Variants in OGG1 observed in about 807,000 individuals in gnomAD.
The protein encoded by OGG1 is N-glycosylase/DNA lyase.
Under a neutral mutation model 42.3 loss-of-function variants are expected in OGG1, and 35 were observed. The ratio of observed to expected loss-of-function variants is 0.83; its 90% CI spans 0.63 to 1.10. OGG1 has a LOEUF of 1.10. OGG1 is among the 50% of genes least tolerant of loss of function. The probability of loss-of-function intolerance (pLI) is 0.00; values close to 1 mark genes in which losing one functional copy is unlikely to be tolerated. For missense variants in OGG1, 484 were observed against 446.7 expected (o/e 1.08, Z -0.75); for synonymous variants, 189 against 179.0 (o/e 1.06, Z -0.44).
downstream of OGG1, chr3:9,759,541 G>A: frequency 1.2e-6 from 2 of 1,614,126 alleles, no homozygotes; most frequent in Non-Finnish European, 1.7e-6. Flanking sequence ...ACCGACTGGT[G>A]GATATTCTTA....
At chr3:9,760,711 A>G, downstream of OGG1, 1 of 1,614,058 alleles carries the variant, frequency 6.2e-7, no homozygotes, top group Non-Finnish European at 8.5e-7. Flanking sequence ...CGGCCTTCAA[A>G]ATCTGTTCAA....
At position 9,757,176 on chromosome 3, in the gene OGG1, C is replaced by T. The variant is rs2077613424; in HGVS notation, c.*26C>T. The T allele has an allele frequency of 6.2e-7, 1 of 1,613,846 alleles. No individual in the cohort carries two copies. The highest frequency in any genetic ancestry group is 1.3e-5 in the African/African-American group (1 of 74,910). ...ATGGGGCACCCTGGACAAAGAAATT[C>T]CCCAAGCACCTTCCCCTCCATTCCC... On this transcript the variant is annotated 3_prime_UTR_variant, in exon 7 of 7. Transcript: ENST00000344629. The surrounding 1 kb of genome is among the most constrained non-coding windows in gnomAD (Gnocchi z 4.5).
At chr3:9,765,506 G>T (rs1327001468) in intron 7 of OGG1, among the ~76,000 whole-genome samples, 1 of 152,186 alleles carries the variant, frequency 6.6e-6, no homozygotes, top group African/African-American at 2.4e-5. Context: ...CTTTACACCT[G>T]ATTGAACAGT....
chr3:9,789,106 G>A (rs1487627618), downstream of OGG1, among the ~76,000 whole-genome samples: 1 of 152,192 alleles, frequency 6.6e-6, no homozygotes, highest in Non-Finnish European at 1.5e-5. Context: ...AAAGTGCTAG[G>A]ATTGCAGGCA....
chr3:9,770,437 G>A (rs1225810269), downstream of OGG1, among the ~76,000 whole-genome samples: 1 of 152,164 alleles, frequency 6.6e-6, no homozygotes, highest in Admixed American at 6.5e-5. Flanking sequence ...AGGCAATGAA[G>A]AGAGTGGAGG....
Position 9,750,281 on chromosome 3 carries a change from G to A in OGG1, c.-6G>A, listed in dbSNP as rs369138575. 4.4e-6 allele frequency: 7 copies of A among 1,609,018 alleles called. No individual in the cohort carries two copies. Among genetic ancestry groups the A allele is most frequent in the Non-Finnish European group, 5.9e-6 (7 of 1,177,274 alleles). On this transcript the variant is annotated 5_prime_UTR_variant, in exon 1 of 7. The change creates a new upstream start codon in the 5' untranslated region. Coordinates refer to ENST00000344629, the MANE Select transcript of OGG1 (RefSeq NM_002542.6). ...GGGCTACTACGGGGCGGTGCCTGCT[G>A]TGGAAATGCCTGCCCGCGCGCTTCT...
chr3:9,753,932 G>C (rs893094603), intron 3 of OGG1, among the ~76,000 whole-genome samples: 4 of 151,922 alleles, frequency 2.6e-5, no homozygotes, highest in Admixed American at 6.6e-5. Context: ...GAGCCCAGGA[G>C]TTTGAGACCA....
chr3:9,751,254 A>C, intron 2 of OGG1, 62 bp downstream of exon 2: 2 of 1,568,272 alleles, frequency 1.3e-6, no homozygotes, highest in Non-Finnish European at 1.7e-6. Context: ...TCTATGACTC[A>C]GTTTTGCCAC....
chr3:9,775,578 A>G (rs539232947), intron 2 of OGG1, among the ~76,000 whole-genome samples: 2 of 152,066 alleles, frequency 1.3e-5, no homozygotes, highest in East Asian at 3.9e-4. Flanking sequence ...TCAAACTTTA[A>G]TATGCACCAG....
At position 9,754,949 on chromosome 3, in the gene OGG1, C is replaced by T. The variant is rs559331181; in HGVS notation, c.747+64C>T. 8.4e-6 allele frequency: 12 copies of T among 1,434,924 alleles called. No individual in the cohort carries two copies. The Middle Eastern group carries it at 1.7e-3, about 201-fold the overall frequency. The allele number at this position is 1,434,924 out of a possible 1,614,324, so 88.9% of individuals were successfully genotyped here. ...CACTAAGAGGAGAGCAGGAAATGAG[C>T]CAAGCCTGGGAGCTGGGTGGAGGCT... On this transcript the variant is annotated intron_variant, in intron 4 of 6. Coordinates refer to ENST00000344629, the MANE Select transcript of OGG1 (RefSeq NM_002542.6).
chr3:9,790,595 T>C (rs1163001267), downstream of OGG1, among the ~76,000 whole-genome samples: 1 of 152,236 alleles, frequency 6.6e-6, no homozygotes, highest in African/African-American at 2.4e-5. Flanking sequence ...GCATAGCGCC[T>C]GGCACACAAG....
At chr3:9,759,860 C>T (rs1437255075), downstream of OGG1, 2 of 1,587,456 alleles carry the variant, frequency 1.3e-6, no homozygotes, top group East Asian at 4.5e-5. Flanking sequence ...ACAAAGAGGC[C>T]AAATCAGTCC....
chr3:9,761,699 A>C, downstream of OGG1: 1 of 1,614,170 alleles, frequency 6.2e-7, no homozygotes, highest in Non-Finnish European at 8.5e-7. Flanking sequence ...GGAGAGGCCA[A>C]AGTCGGAGAT....
At chr3:9,761,709 T>C (rs1251121659), downstream of OGG1, 3 of 1,613,984 alleles carry the variant, frequency 1.9e-6, no homozygotes, top group African/African-American at 4.0e-5. Context: ...AAGTCGGAGA[T>C]CATGATTTTG....
chr3:9,780,472 A>T, intron 2 of OGG1: 1 of 1,611,266 alleles, frequency 6.2e-7, no homozygotes, highest in Non-Finnish European at 8.5e-7. Flanking sequence ...GATCTTGCGA[A>T]AGGCGTCCAT....
At chr3:9,773,840 G>A (rs1176268422) in intron 2 of OGG1, among the ~76,000 whole-genome samples, 2 of 152,036 alleles carry the variant, frequency 1.3e-5, no homozygotes, top group African/African-American at 4.8e-5. Flanking sequence ...CTGCAGGTGT[G>A]TACCACCATA....
rs547854407 is a variant in OGG1, at chr3:9,784,221, G to A, written c.382+2621G>A. 80 of 1,600,298 alleles carry A rather than the reference G, an allele frequency of 5.0e-5. 1 individual carries two copies. The Middle Eastern group carries it at 5.0e-4, about 10-fold the overall frequency. On this transcript the variant is annotated intron_variant, in intron 3 of 3. Coordinates refer to the OGG1 transcript ENST00000426518. ...GACTTAGTATGCGGCACACTGCAGC[G>A]GGAGGCAGGCCCGTCAGACTCAAGA...
chr3:9,774,408 C>CAAAAAAAAAAAA (rs35674476), intron 2 of OGG1, among the ~76,000 whole-genome samples: 1 of 117,098 alleles, frequency 8.5e-6, no homozygotes, highest in Non-Finnish European at 1.7e-5. Flanking sequence ...GACTCTGTCT[C>CAAAAAAAAAAAA]AAAAAAAAAA....
intron 4 of OGG1, among the ~76,000 whole-genome samples, chr3:9,755,114 CAT>C (rs1219246319): frequency 1.3e-5 from 2 of 152,210 alleles, no homozygotes; most frequent in Non-Finnish European, 2.9e-5. Context: ...AGATGCAACA[CAT>C]ATATGCTGCT....
Sources: allele counts gnomAD v4.1 joint callset (sites outside exome capture counted in the v4.1 genomes callset), GRCh38; gene constraint gnomAD v4.1.1; non-coding constraint Gnocchi (gnomAD v3.1); transcripts MANE v1.5; gene names NCBI Gene and HGNC (gene_info 2026-07-23, HGNC 2026-07-21).